The following EIF4G3 variants were observed in gnomAD, a reference collection of about 807,000 sequenced individuals.
The protein encoded by EIF4G3 is eIF-4-gamma 3.
A neutral mutation model predicts 186.4 loss-of-function variants in EIF4G3; 34 were observed. The ratio of observed to expected loss-of-function variants is 0.18; its 90% CI spans 0.14 to 0.24. The LOEUF is 0.24. EIF4G3 is among the 10% of genes least tolerant of loss of function. The pLI, the probability that EIF4G3 is intolerant of heterozygous loss-of-function variation, is 1.00. For synonymous variants in EIF4G3, 673 were observed against 679.5 expected, an observed-to-expected ratio of 0.99 and a Z score of 0.15; for missense variants, 1,536 against 1,948.5, an observed-to-expected ratio of 0.79 and a Z score of 3.99.
chr1:20,955,092 G>C (rs72986061), intron 12 of EIF4G3, among the ~76,000 whole-genome samples: 5,214 of 152,270 alleles, frequency 0.034, 300 homozygotes, highest in African/African-American at 0.12. Flanking sequence ...GGGGAATCTG[G>C]TGTGAAATGA....
chr1:20,914,682 G>A (rs564192132), intron 14 of EIF4G3, among the ~76,000 whole-genome samples: 8 of 152,162 alleles, frequency 5.3e-5, no homozygotes, highest in East Asian at 3.9e-4. Context: ...ATTTTCATTC[G>A]GTTCAAAATA....
intron 2 of EIF4G3, among the ~76,000 whole-genome samples, chr1:21,108,721 T>A (rs1413649490): frequency 6.6e-6 from 1 of 151,172 alleles, no homozygotes; most frequent in South Asian, 2.1e-4. Context: ...CTGGCCAACA[T>A]GGCAAAACCC....
intron 4 of EIF4G3, among the ~76,000 whole-genome samples, chr1:21,040,797 C>T (rs1034774398): frequency 6.6e-6 from 1 of 152,108 alleles, no homozygotes; most frequent in African/African-American, 2.4e-5. Context: ...AAAAGGCAGA[C>T]AAGACTGAAA....
At chr1:20,850,123 C>G (rs1557908575) in intron 28 of EIF4G3, among the ~76,000 whole-genome samples, 1 of 152,156 alleles carries the variant, frequency 6.6e-6, no homozygotes, top group Non-Finnish European at 1.5e-5. Flanking sequence ...CTTCATAGCA[C>G]CTTTCTCAGT....
chr1:21,060,571 G>A (rs999297598), intron 3 of EIF4G3, among the ~76,000 whole-genome samples: 14 of 152,116 alleles, frequency 9.2e-5, no homozygotes, highest in African/African-American at 3.4e-4. Context: ...TGGTTGCTTT[G>A]TAAGAATAAG....
At chr1:20,985,108 A>G (rs1027002258) in intron 7 of EIF4G3, among the ~76,000 whole-genome samples, 9 of 152,330 alleles carry the variant, frequency 5.9e-5, no homozygotes, top group African/African-American at 1.9e-4. Flanking sequence ...TTTCACATAA[A>G]CCAGCAGAAA....
chr1:21,029,262 C>T (rs1271586905), intron 4 of EIF4G3, among the ~76,000 whole-genome samples: 1 of 151,950 alleles, frequency 6.6e-6, no homozygotes, highest in African/African-American at 2.4e-5. Context: ...TCACGTGATC[C>T]GCCTGCCTCA....
At chr1:21,144,934 C>G (rs1029696606) in intron 2 of EIF4G3, among the ~76,000 whole-genome samples, 3 of 152,084 alleles carry the variant, frequency 2.0e-5, no homozygotes, top group African/African-American at 7.2e-5. Context: ...GTTAAATAGT[C>G]TAATTCTCCA....
At chr1:21,143,131 C>A (rs1389396566) in intron 2 of EIF4G3, among the ~76,000 whole-genome samples, 8 of 151,972 alleles carry the variant, frequency 5.3e-5, no homozygotes, top group African/African-American at 1.9e-4. Flanking sequence ...TGCCTGTAAT[C>A]CCAGCTACTA....
rs375365634 is a variant in EIF4G3 at position 20,908,392 on chromosome 1, A to G, written c.1664-3421T>C. The stretch of plus-strand genomic sequence containing the variant: ...TTGTAAAACGTCTAATGGACAAATT[A>G]ACAGACATGTTTAATCATTGGGCTT... On this transcript the variant is annotated intron_variant, in intron 14 of 36. Coordinates refer to ENST00000602326, the MANE Select transcript of EIF4G3 (RefSeq NM_001391906.1). 7.9e-5 allele frequency among the ~76,000 whole-genome samples: 12 copies of G among 152,316 alleles called. No homozygotes were observed. In the East Asian group the frequency reaches 9.6e-4, roughly 12 times the overall value.
intron 14 of EIF4G3, among the ~76,000 whole-genome samples, chr1:20,914,118 T>C (rs1037727392): frequency 3.3e-5 from 5 of 151,966 alleles, no homozygotes; most frequent in African/African-American, 1.2e-4. Flanking sequence ...TTTTTTTTTT[T>C]CTTTTCTAAC....
intron 2 of EIF4G3, among the ~76,000 whole-genome samples, chr1:21,098,545 A>G (rs79733914): frequency 6.8e-5 from 8 of 118,038 alleles, no homozygotes; most frequent in Admixed American, 1.8e-4. Context: ...GTCTCGAAAA[A>G]AAAAAAAAAA....
At chr1:21,005,707 C>G (rs955361656) in intron 4 of EIF4G3, among the ~76,000 whole-genome samples, 1 of 152,128 alleles carries the variant, frequency 6.6e-6, no homozygotes, top group Non-Finnish European at 1.5e-5. Context: ...AAAGAACACC[C>G]TTCCTGATCA....
intron 10 of EIF4G3, among the ~76,000 whole-genome samples, chr1:20,975,383 A>C (rs1337204543): frequency 6.6e-6 from 1 of 151,708 alleles, no homozygotes; most frequent in East Asian, 1.9e-4. Context: ...AAAAAACAAA[A>C]AACAAAAAAA....
At chr1:20,910,229 AAG>A (rs2092974818) in intron 14 of EIF4G3, among the ~76,000 whole-genome samples, 1 of 152,208 alleles carries the variant, frequency 6.6e-6, no homozygotes, top group Non-Finnish European at 1.5e-5. Flanking sequence ...AGAACTATAA[AAG>A]AGCTAAATGT....
intron 7 of EIF4G3, among the ~76,000 whole-genome samples, chr1:20,995,399 G>A (rs2082070307): frequency 2.0e-5 from 3 of 152,134 alleles, no homozygotes; most frequent in Admixed American, 2.0e-4. Context: ...TGAGATGGGA[G>A]TCTTGCTCTG....
Position 20,886,237 on chromosome 1 carries a change from G to A in EIF4G3, c.2388C>T (p.Asp796=), listed in dbSNP as rs1368128587. 1.2e-6 allele frequency: 2 copies of A among 1,613,954 alleles called. No individual in the cohort carries two copies. ...ENAWKPSQKR[D]SQADDPENIK... is the part of the protein sequence containing the mutation. ...TGTTTTCGGGATCATCGGCTTGGCT[G>A]TCTCGTTTTTGGCTTGGCTTCCAGG... Residue 796 remains aspartate (D), a synonymous_variant, in exon 19 of 37, where the codon GAC becomes GAT. Transcript: ENST00000602326.
chr1:21,098,043 C>G (rs2096418408), intron 2 of EIF4G3, among the ~76,000 whole-genome samples: 1 of 152,048 alleles, frequency 6.6e-6, no homozygotes, highest in Admixed American at 6.5e-5. Context: ...GAATTTGAGA[C>G]CAGCTTGGGC....
intron 2 of EIF4G3, among the ~76,000 whole-genome samples, chr1:21,106,917 C>T: frequency 6.6e-6 from 1 of 152,140 alleles, no homozygotes; most frequent in Non-Finnish European, 1.5e-5. Context: ...ACTGTTGACA[C>T]ATCAGGACAA....
Sources: allele counts gnomAD v4.1 joint callset (sites outside exome capture counted in the v4.1 genomes callset), GRCh38; gene constraint gnomAD v4.1.1; transcripts MANE v1.5; gene names NCBI Gene and HGNC (gene_info 2026-07-23, HGNC 2026-07-21).